TENT2: variants seen among roughly 807,000 people sequenced by gnomAD.
TENT2 encodes poly(A) RNA polymerase GLD2.
TENT2 carries 44 observed loss-of-function variants against 72.2 expected under a neutral mutation model. That is an observed-to-expected ratio of 0.61 (90% CI 0.48 to 0.78). TENT2 has a LOEUF of 0.78. Ranked by LOEUF, TENT2 falls within the 30% of genes least tolerant of loss-of-function variation. TENT2 has a pLI of 0.00. For synonymous variants in TENT2, 212 were observed against 192.5 expected, an observed-to-expected ratio of 1.10 and a Z score of -0.84; for missense variants, 541 against 569.6, an observed-to-expected ratio of 0.95 and a Z score of 0.51.
At chr5:79,676,378 G>A (rs1241583044) in intron 12 of TENT2, among the ~76,000 whole-genome samples, 1 of 152,100 alleles carries the variant, frequency 6.6e-6, no homozygotes, top group South Asian at 2.1e-4. Context: ...TTGAGGTCAA[G>A]AGTTTGAGAC....
intron 12 of TENT2, among the ~76,000 whole-genome samples, chr5:79,669,302 A>C (rs542128488): frequency 1.4e-4 from 22 of 152,178 alleles, no homozygotes; most frequent in Non-Finnish European, 2.9e-4. Flanking sequence ...CAATAGTGGT[A>C]GGCCCTATGT....
chr5:79,635,366 C>G (rs1173431447), intron 4 of TENT2, among the ~76,000 whole-genome samples: 1 of 152,112 alleles, frequency 6.6e-6, no homozygotes, highest in Non-Finnish European at 1.5e-5. Context: ...CTCATTAAAT[C>G]TCCATTATAG....
chr5:79,630,177 A>G (rs1406062372), intron 4 of TENT2, among the ~76,000 whole-genome samples: 1 of 152,154 alleles, frequency 6.6e-6, no homozygotes, highest in Non-Finnish European at 1.5e-5. Context: ...AATTTTATTT[A>G]TATAAATGCT....
At chr5:79,631,911 G>A (rs1031774232) in intron 4 of TENT2, among the ~76,000 whole-genome samples, 2 of 152,218 alleles carry the variant, frequency 1.3e-5, no homozygotes, top group Non-Finnish European at 2.9e-5. Flanking sequence ...TATAGATACA[G>A]GGAAATTTGT....
At position 79,649,165 on chromosome 5, in the gene TENT2, A is replaced by G; in HGVS notation, c.1002A>G (p.Val334=). 1 of 1,613,394 alleles carries G rather than the reference A, an allele frequency of 6.2e-7. No homozygotes were observed. Among genetic ancestry groups the G allele is most frequent in the Non-Finnish European group, 8.5e-7 (1 of 1,179,630 alleles). Residue 334 remains valine (V), a synonymous_variant, in exon 10 of 15, where the codon GTA becomes GTG. Transcript: ENST00000453514. ...SRGTLSSYSL[V]LMVLHYLQTL... is the part of the protein sequence containing the mutation. ...GTACTTTAAGCAGCTATAGTCTTGT[A>G]TTGATGGTTTTGCACTATTTACAAA...
At chr5:79,648,778 T>A in intron 9 of TENT2, 85 bp downstream of exon 9, 7 of 1,025,042 alleles carry the variant, frequency 6.8e-6, no homozygotes, top group Non-Finnish European at 1.0e-5. Context: ...GTGACATCTC[T>A]TTAGTTGTGT....
intron 12 of TENT2, among the ~76,000 whole-genome samples, chr5:79,674,713 T>C (rs984548166): frequency 7.2e-5 from 11 of 152,228 alleles, no homozygotes; most frequent in Non-Finnish European, 7.3e-5. Context: ...TTAAATTTTA[T>C]ACTTTTAATT....
At position 79,641,105 on chromosome 5, in the gene TENT2, A is replaced by G; in HGVS notation, c.581A>G (p.Gln194Arg). 6.4e-7 allele frequency: 1 copy of G among 1,571,098 alleles called. No homozygotes were observed. The highest frequency in any genetic ancestry group is 1.2e-5 in the South Asian group (1 of 82,570). The change falls in exon 6 of 15, where the codon CAA becomes CGA. Residue 194 changes from glutamine to arginine, a missense_variant and splice_region_variant. Transcript: ENST00000453514. ...TTATTACTTTCTTCTGTTTCTTTAG[A>G]AAGCAGACTTTTTTTGGTTGGGTCC... Reference protein sequence around the residue: ...LQREIQLLFPQSRLFLVGSSL... With the variant: ...LQREIQLLFPRSRLFLVGSSL...
At chr5:79,621,857 A>G (rs1765256571) in intron 3 of TENT2, among the ~76,000 whole-genome samples, 3 of 152,316 alleles carry the variant, frequency 2.0e-5, no homozygotes, top group South Asian at 4.1e-4. Context: ...TATTCAGCAT[A>G]TATAGCTCTA....
chr5:79,625,821 T>G (rs939275859), intron 4 of TENT2, among the ~76,000 whole-genome samples: 2 of 148,004 alleles, frequency 1.4e-5, no homozygotes, highest in Non-Finnish European at 3.0e-5. Context: ...AACTTGGGTT[T>G]TTTTAGTTAG....
chr5:79,616,285 G>A (rs57914379), intron 1 of TENT2, among the ~76,000 whole-genome samples: 29,073 of 138,540 alleles, frequency 0.21, 4,165 homozygotes, highest in African/African-American at 0.43. Flanking sequence ...TGCAACCTCC[G>A]CCTCCCAGGT....
At chr5:79,663,037 T>C (rs1410202996) in intron 11 of TENT2, among the ~76,000 whole-genome samples, 2 of 152,230 alleles carry the variant, frequency 1.3e-5, no homozygotes, top group African/African-American at 4.8e-5. Context: ...CTTCACTTGC[T>C]GTTCACTTTG....
At chr5:79,639,882 G>A (rs1228288645) in intron 4 of TENT2, among the ~76,000 whole-genome samples, 3 of 152,192 alleles carry the variant, frequency 2.0e-5, no homozygotes, top group Non-Finnish European at 2.9e-5. Context: ...GTGATATGTA[G>A]CCCATTTCAG....
intron 10 of TENT2, among the ~76,000 whole-genome samples, chr5:79,656,147 T>A (rs752714509): frequency 2.0e-5 from 3 of 151,998 alleles, no homozygotes; most frequent in Non-Finnish European, 4.4e-5. Flanking sequence ...CTCATGACAT[T>A]ATATTTTACA....
At chr5:79,649,384 CTG>C (rs1436219976) in intron 10 of TENT2, among the ~76,000 whole-genome samples, 194 bp downstream of exon 10, 1 of 134,774 alleles carries the variant, frequency 7.4e-6, no homozygotes, top group Non-Finnish European at 1.5e-5. Flanking sequence ...AGAAGTTTCA[CTG>C]TTTTTTTTTT....
intron 4 of TENT2, among the ~76,000 whole-genome samples, chr5:79,639,119 C>T (rs575352191): frequency 2.6e-5 from 4 of 151,264 alleles, no homozygotes; most frequent in Non-Finnish European, 5.9e-5. Context: ...GAGAGATTAG[C>T]TTTGAACAGG....
chr5:79,648,911 G>T, intron 9 of TENT2, 151 bp from the exon 10 acceptor site: 1 of 980,040 alleles, frequency 1.0e-6, no homozygotes, highest in Admixed American at 2.9e-5. Context: ...ACTAAGGTAA[G>T]TTTTAGACAT....
chr5:79,686,988 G>A lies in TENT2; in HGVS notation c.*1715G>A, dbSNP rs1192531828. 6.6e-6 allele frequency among the ~76,000 whole-genome samples: 1 copy of A among 152,088 alleles called. No homozygotes were observed. Among genetic ancestry groups the A allele is most frequent in the East Asian group, 1.9e-4 (1 of 5,198 alleles). ...AGTCATAGTACTATTCAGTAATACT[G>A]TGCAACTTTCAGGGATGGGTAAGTA... On this transcript the variant is annotated 3_prime_UTR_variant, in exon 15 of 15. Coordinates refer to ENST00000453514, the MANE Select transcript of TENT2 (RefSeq NM_001114394.3).
At chr5:79,615,202 G>T (rs1228080662) in intron 1 of TENT2, 1 of 152,152 alleles carries the variant, frequency 6.6e-6, no homozygotes, top group Non-Finnish European at 1.5e-5. Flanking sequence ...TCATTAACTT[G>T]GTAGAGTAGT....
Sources: allele counts gnomAD v4.1 joint callset (sites outside exome capture counted in the v4.1 genomes callset), GRCh38; gene constraint gnomAD v4.1.1; transcripts MANE v1.5; gene names NCBI Gene and HGNC (gene_info 2026-07-23, HGNC 2026-07-21).